ADGRB3: variants seen among roughly 807,000 people sequenced by gnomAD.
The protein encoded by ADGRB3 is adhesion G protein-coupled receptor B3, also known as brain-specific angiogenesis inhibitor 3.
ADGRB3 carries 37 observed loss-of-function variants against 193.4 expected under a neutral mutation model. The ratio of observed to expected loss-of-function variants is 0.19; its 90% CI spans 0.15 to 0.25. ADGRB3 has a LOEUF of 0.25. ADGRB3 is among the 10% of genes least tolerant of loss of function. The probability of loss-of-function intolerance (pLI) is 1.00; values close to 1 mark genes in which losing one functional copy is unlikely to be tolerated. For missense variants in ADGRB3, 1,637 were observed against 1,852.9 expected (o/e 0.88, Z 2.14); for synonymous variants, 690 against 644.2 (o/e 1.07, Z -1.08).
At chr6:69,351,220 G>A (rs191048982) in intron 26 of ADGRB3, among the ~76,000 whole-genome samples, 4 of 151,642 alleles carry the variant, frequency 2.6e-5, no homozygotes, top group Non-Finnish European at 5.9e-5. Flanking sequence ...CAGCCCCCAG[G>A]TAGCTGGGAT....
intron 3 of ADGRB3, among the ~76,000 whole-genome samples, chr6:68,719,782 T>G (rs2127323154): frequency 6.6e-6 from 1 of 151,774 alleles, no homozygotes; most frequent in Middle Eastern, 3.4e-3. Context: ...TGGCATCAAT[T>G]CAAAGAGCAA....
At chr6:69,339,083 G>A (rs1768917770) in intron 25 of ADGRB3, 69 bp downstream of exon 25, 2 of 1,529,438 alleles carry the variant, frequency 1.3e-6, no homozygotes, top group African/African-American at 1.4e-5. Context: ...ATGCTATGAT[G>A]AAAAAAAATT....
rs181096748 is a variant in ADGRB3 at position 69,036,856 on chromosome 6, T to C, written c.2108-11329T>C. Among the ~76,000 whole-genome samples the C allele has an allele frequency of 1.4e-3, 215 of 152,266 alleles. 2 individuals carry two copies. The highest frequency in any genetic ancestry group is 4.4e-3 in the Admixed American group (68 of 15,286). ...TGTAGGTCAAGGCATAAAATTTGGA[T>C]TTTTTTCTAGGAGCGCTGGCCAGCC... On this transcript the variant is annotated intron_variant, in intron 13 of 31. Transcript: ENST00000370598.
At chr6:68,652,442 C>A (rs1436682636) in intron 3 of ADGRB3, among the ~76,000 whole-genome samples, 1 of 152,080 alleles carries the variant, frequency 6.6e-6, no homozygotes, top group East Asian at 1.9e-4. Context: ...TGTCCTGAGG[C>A]CCCCTGTTGG....
At chr6:68,864,692 G>A (rs898189974) in intron 3 of ADGRB3, among the ~76,000 whole-genome samples, 2 of 152,172 alleles carry the variant, frequency 1.3e-5, no homozygotes, top group Non-Finnish European at 2.9e-5. Flanking sequence ...AGCTAATTGT[G>A]TGAAAACAGC....
At chr6:69,338,031 T>C (rs1300261903) in intron 24 of ADGRB3, among the ~76,000 whole-genome samples, 2 of 152,210 alleles carry the variant, frequency 1.3e-5, no homozygotes, top group African/African-American at 2.4e-5. Context: ...CCTAAAAGGT[T>C]TATTTTCTAA....
chr6:68,926,366 TGAG>T (rs1454485177), intron 3 of ADGRB3, among the ~76,000 whole-genome samples: 1 of 152,130 alleles, frequency 6.6e-6, no homozygotes, highest in Non-Finnish European at 1.5e-5. Context: ...GTTTAGTTAA[TGAG>T]GAGACAGTTC....
chr6:69,312,007 ACTT>A, intron 20 of ADGRB3, among the ~76,000 whole-genome samples: 1 of 151,890 alleles, frequency 6.6e-6, no homozygotes, highest in South Asian at 2.1e-4. Flanking sequence ...TCTTTTATCA[ACTT>A]CTTTAGAGAA....
At chr6:69,144,346 A>G (rs780762426) in intron 17 of ADGRB3, among the ~76,000 whole-genome samples, 2 of 152,196 alleles carry the variant, frequency 1.3e-5, no homozygotes, top group East Asian at 1.9e-4. Context: ...AGATCATATC[A>G]TCTGCAAACA....
chr6:69,207,221 T>C (rs1423001374), intron 17 of ADGRB3, among the ~76,000 whole-genome samples: 2 of 152,166 alleles, frequency 1.3e-5, no homozygotes, highest in Non-Finnish European at 2.9e-5. Flanking sequence ...CAGAATGTAA[T>C]GTCGCAGGAA....
chr6:68,679,417 C>T (rs1764838826), intron 3 of ADGRB3, among the ~76,000 whole-genome samples: 2 of 152,120 alleles, frequency 1.3e-5, no homozygotes, highest in South Asian at 4.1e-4. Flanking sequence ...ACAGAAGGCA[C>T]ACTGGCTCAT....
chr6:69,130,582 C>G (rs1473829961), intron 17 of ADGRB3, among the ~76,000 whole-genome samples: 1 of 150,506 alleles, frequency 6.6e-6, no homozygotes, highest in Non-Finnish European at 1.5e-5. Context: ...AATTCAGCCC[C>G]CCGACTGGGC....
At chr6:69,050,957 A>G (rs1287977580) in intron 15 of ADGRB3, among the ~76,000 whole-genome samples, 6 of 152,166 alleles carry the variant, frequency 3.9e-5, no homozygotes, top group Non-Finnish European at 5.9e-5. Context: ...ATCTTGTTCC[A>G]TATAATCTCA....
intron 20 of ADGRB3, among the ~76,000 whole-genome samples, chr6:69,289,166 C>T (rs550020006): frequency 2.0e-5 from 3 of 152,196 alleles, no homozygotes; most frequent in Admixed American, 6.5e-5. Context: ...AATTTTAAAG[C>T]AATTGTAAAA....
intron 3 of ADGRB3, among the ~76,000 whole-genome samples, chr6:68,909,370 C>A (rs1766636443): frequency 6.6e-6 from 1 of 152,146 alleles, no homozygotes; most frequent in South Asian, 2.1e-4. Flanking sequence ...GCTTTTAACA[C>A]AAACATACTT....
At position 69,330,512 on chromosome 6, in the gene ADGRB3, G is replaced by A; in HGVS notation, c.3042G>A (p.Trp1014Ter). The A allele has an allele frequency of 6.2e-7, 1 of 1,601,956 alleles. No individual in the cohort carries two copies. Among genetic ancestry groups the A allele is most frequent in the Non-Finnish European group, 8.5e-7 (1 of 1,173,202 alleles). The part of the protein sequence containing the change: ...TKGYGTDHYC[W>*]LSLEGGLLYA... The stretch of plus-strand genomic sequence containing the variant: ...TATCTAATGTCATTTTCAGCTGCTG[G>A]CTCTCTCTTGAAGGAGGACTACTCT... Residue 1014 changes from tryptophan (W) to a stop codon, truncating the protein, a stop_gained, in exon 23 of 32, where the codon TGG (tryptophan) becomes TGA (stop). Coordinates refer to ENST00000370598, the MANE Select transcript of ADGRB3 (RefSeq NM_001704.3). LOFTEE classifies it high-confidence loss of function.
chr6:69,118,134 C>T (rs182634527), intron 17 of ADGRB3, among the ~76,000 whole-genome samples: 18 of 152,196 alleles, frequency 1.2e-4, no homozygotes, highest in East Asian at 7.7e-4. Context: ...AGAAAGTAGC[C>T]GGTTCCCAGT....
At chr6:69,356,939 CT>C (rs1427603752) in intron 28 of ADGRB3, among the ~76,000 whole-genome samples, 1 of 151,976 alleles carries the variant, frequency 6.6e-6, no homozygotes, top group Admixed American at 6.6e-5. Flanking sequence ...CAGAATATGC[CT>C]CATTTTACCT....
At chr6:68,971,596 A>G (rs1768570193) in intron 8 of ADGRB3, among the ~76,000 whole-genome samples, 1 of 151,918 alleles carries the variant, frequency 6.6e-6, no homozygotes, top group South Asian at 2.1e-4. Context: ...CAGGGAGTTG[A>G]GCATCAGTGA....
Sources: gnomAD v4.1 joint callset for allele counts (sites outside exome capture counted in the v4.1 genomes callset) on GRCh38, gnomAD v4.1.1 for gene constraint, MANE v1.5 for transcripts, NCBI Gene and HGNC (gene_info 2026-07-23, HGNC 2026-07-21) for gene names.